CABCOCO1: variants seen among roughly 807,000 people sequenced by gnomAD.
CABCOCO1 encodes the protein ciliary-associated calcium-binding coiled-coil protein 1.
In CABCOCO1, 28 loss-of-function variants were observed where a neutral mutation model predicts 35.7. The ratio of observed to expected loss-of-function variants is 0.78; its 90% confidence interval spans 0.58 to 1.07. CABCOCO1 has a LOEUF of 1.07. Among genes scored for constraint, CABCOCO1 ranks in the 50% least tolerant of loss-of-function variants. The probability of loss-of-function intolerance (pLI) is 0.00; values close to 1 mark genes in which losing one functional copy is unlikely to be tolerated. For missense variants in CABCOCO1, 326 were observed against 309.2 expected, an observed-to-expected ratio of 1.05 and a Z score of -0.41; for synonymous variants, 95 against 100.1, an observed-to-expected ratio of 0.95 and a Z score of 0.30.
At chr10:61,686,751 T>C (rs1839978114) in intron 4 of CABCOCO1, among the ~76,000 whole-genome samples, 1 of 152,212 alleles carries the variant, frequency 6.6e-6, no homozygotes, top group African/African-American at 2.4e-5. Flanking sequence ...TCTTTCTTAC[T>C]ACTTAGAAAA....
At chr10:61,706,873 CTG>C (rs533911016) in intron 5 of CABCOCO1, among the ~76,000 whole-genome samples, 217 of 152,266 alleles carry the variant, frequency 1.4e-3, no homozygotes, top group African/African-American at 5.0e-3. Context: ...ATTCTGGAAA[CTG>C]TTCCTTCCCC....
At chr10:61,728,019 A>G (rs1327179680) in intron 5 of CABCOCO1, among the ~76,000 whole-genome samples, 1 of 152,188 alleles carries the variant, frequency 6.6e-6, no homozygotes, top group Non-Finnish European at 1.5e-5. Flanking sequence ...TTTTATTTCT[A>G]GACGCTTAAA....
At chr10:61,760,029 G>A (rs201800789) in intron 5 of CABCOCO1, 30 bp from the exon 6 acceptor site, 53 of 1,611,486 alleles carry the variant, frequency 3.3e-5, no homozygotes, top group Non-Finnish European at 3.9e-5. Context: ...CAAAGGCTCT[G>A]TCATAATTCA....
chr10:61,723,766 C>A (rs12573444), intron 5 of CABCOCO1, among the ~76,000 whole-genome samples: 98,891 of 151,980 alleles, frequency 0.65, 33,759 homozygotes, highest in Middle Eastern at 0.83. Context: ...GACTCATTTA[C>A]TCTTGATTAC....
intron 2 of CABCOCO1, among the ~76,000 whole-genome samples, chr10:61,678,628 A>G (rs1839599333): frequency 6.6e-6 from 1 of 152,186 alleles, no homozygotes; most frequent in Admixed American, 6.5e-5. Context: ...AGTATCATCA[A>G]AAAATAAGGC....
rs898340497 is a variant in CABCOCO1, at chr10:61,766,276, C to T, written c.*263C>T. 1 of 237,990 alleles carries T rather than the reference C, an allele frequency of 4.2e-6. No homozygotes were observed. The highest frequency in any genetic ancestry group is 5.2e-5 in the Admixed American group (1 of 19,200). 14.7% of individuals were successfully genotyped at this position (237,990 alleles called of 1,614,324 possible). A position where few individuals can be genotyped will look rare whatever the true frequency, so the allele number is the denominator to read the frequency against. Reference sequence around the variant, plus strand: ...GTTTGAAAAATTATATATAAAAATACAATTACTTTTATGATAGTCCTTTGA... The same window carrying T: ...GTTTGAAAAATTATATATAAAAATATAATTACTTTTATGATAGTCCTTTGA... On this transcript the variant is annotated 3_prime_UTR_variant, in exon 8 of 8. Coordinates refer to ENST00000648843, the MANE Select transcript of CABCOCO1 (RefSeq NM_001366906.2).
At chr10:61,746,952 T>A (rs754464733) in intron 5 of CABCOCO1, among the ~76,000 whole-genome samples, 1 of 152,174 alleles carries the variant, frequency 6.6e-6, no homozygotes, top group Non-Finnish European at 1.5e-5. Context: ...AAGATGACAC[T>A]TTTTCTGATA....
chr10:61,760,883 C>A lies in CABCOCO1; in HGVS notation c.696C>A (p.Gly232=). 6.2e-7 allele frequency: 1 copy of A among 1,612,490 alleles called. No individual in the cohort carries two copies. Among genetic ancestry groups the A allele is most frequent in the Non-Finnish European group, 8.5e-7 (1 of 1,179,056 alleles). ...TCTAGAGGTTGGATCAAGAACAAGG[C>A]CCTGAGGAGTCTCAGCCAGAAACTG... is the stretch of plus-strand genomic sequence containing the variant. The part of the protein sequence containing the change: ...TEMKRLDQEQ[G]PEESQPETDT... The change falls in exon 7 of 8, where the codon GGC becomes GGA. Residue 232 remains glycine (G), a synonymous_variant. Coordinates refer to ENST00000648843, the MANE Select transcript of CABCOCO1 (RefSeq NM_001366906.2).
chr10:61,672,341 A>C (rs1839385608), intron 1 of CABCOCO1, among the ~76,000 whole-genome samples: 2 of 152,326 alleles, frequency 1.3e-5, no homozygotes, highest in South Asian at 4.1e-4. Flanking sequence ...TTGCCTCCTC[A>C]TAAGCCCCAG....
intron 2 of CABCOCO1, 75 bp from the exon 3 acceptor site, chr10:61,681,059 AAAAGACCTG>A: frequency 3.3e-5 from 28 of 856,786 alleles, no homozygotes; most frequent in Non-Finnish European, 4.0e-5. Flanking sequence ...GCATTAAAGA[AAAAGACCTG>A]TTTTCAAAAC....
At chr10:61,739,603 G>GT (rs35559098) in intron 5 of CABCOCO1, among the ~76,000 whole-genome samples, 366 of 147,784 alleles carry the variant, frequency 2.5e-3, no homozygotes, top group Admixed American at 9.9e-3. Context: ...AAATTGCTAA[G>GT]TTTTTTTTTT....
intron 3 of CABCOCO1, among the ~76,000 whole-genome samples, chr10:61,683,503 G>A (rs1839861079): frequency 6.6e-6 from 1 of 152,142 alleles, no homozygotes; most frequent in African/African-American, 2.4e-5. Flanking sequence ...TGAGGCTGCA[G>A]TGACCCATGA....
At chr10:61,690,496 G>T (rs1840102566) in intron 4 of CABCOCO1, 53 bp from the exon 5 acceptor site, 6 of 1,241,338 alleles carry the variant, frequency 4.8e-6, no homozygotes, top group East Asian at 2.4e-5. Context: ...TACATATTGT[G>T]TTTTTTTTCC....
intron 5 of CABCOCO1, among the ~76,000 whole-genome samples, chr10:61,715,266 A>G (rs1840834069): frequency 6.6e-6 from 1 of 152,106 alleles, no homozygotes; most frequent in South Asian, 2.1e-4. Flanking sequence ...CCATTATGTA[A>G]TGGCCTTCTT....
At chr10:61,680,333 T>TA (rs1839674862) in intron 2 of CABCOCO1, among the ~76,000 whole-genome samples, 1 of 140,172 alleles carries the variant, frequency 7.1e-6, no homozygotes, top group African/African-American at 2.6e-5. Flanking sequence ...TATATATATA[T>TA]TTATATACAT....
At chr10:61,738,987 T>C (rs937637839) in intron 5 of CABCOCO1, among the ~76,000 whole-genome samples, 2 of 152,244 alleles carry the variant, frequency 1.3e-5, no homozygotes, top group Non-Finnish European at 2.9e-5. Flanking sequence ...GTTTTTTTTT[T>C]CTTAAGTCAT....
intron 5 of CABCOCO1, among the ~76,000 whole-genome samples, chr10:61,741,875 C>A (rs1488605311): frequency 3.3e-5 from 5 of 151,514 alleles, no homozygotes; most frequent in African/African-American, 9.7e-5. Context: ...TTCTGTATAC[C>A]CACATTTGTG....
At chr10:61,691,249 A>G (rs1840131002) in intron 5 of CABCOCO1, among the ~76,000 whole-genome samples, 1 of 152,166 alleles carries the variant, frequency 6.6e-6, no homozygotes, top group Non-Finnish European at 1.5e-5. Context: ...TAGTTACTAC[A>G]ACTCAACAGT....
intron 5 of CABCOCO1, among the ~76,000 whole-genome samples, chr10:61,707,957 T>C (rs1265377118): frequency 6.6e-6 from 1 of 152,074 alleles, no homozygotes; most frequent in African/African-American, 2.4e-5. Context: ...AGTTCGATTC[T>C]TCATCTACAA....
Sources: allele counts gnomAD v4.1 joint callset (sites outside exome capture counted in the v4.1 genomes callset), GRCh38; gene constraint gnomAD v4.1.1; transcripts MANE v1.5; gene names NCBI Gene and HGNC (gene_info 2026-07-23, HGNC 2026-07-21).